Variants in WDSUB1 observed in about 807,000 individuals in gnomAD.
WDSUB1 encodes WD repeat, sterile alpha motif and U-box domain containing 1.
Under a neutral mutation model 53.9 loss-of-function variants are expected in WDSUB1, and 49 were observed. That is an observed-to-expected ratio of 0.91 (90% CI 0.72 to 1.15). WDSUB1 has a LOEUF of 1.15. WDSUB1 is among the 50% of genes most tolerant of loss of function. The pLI is 0.00. For synonymous variants in WDSUB1, 194 were observed against 200.6 expected (o/e 0.97, Z 0.28); for missense variants, 514 against 562.0 (o/e 0.91, Z 0.86).
At chr2:159,265,191 C>T (rs2151112243) in intron 5 of WDSUB1, among the ~76,000 whole-genome samples, 1 of 152,056 alleles carries the variant, frequency 6.6e-6, no homozygotes, top group Middle Eastern at 3.4e-3. Context: ...ACTTGAGAGG[C>T]TGAAGTGGGA....
At chr2:159,265,037 T>A (rs1476476496) in intron 5 of WDSUB1, among the ~76,000 whole-genome samples, 1 of 147,626 alleles carries the variant, frequency 6.8e-6, no homozygotes, top group African/African-American at 2.6e-5. Flanking sequence ...TGAGCTGAGA[T>A]CGCGCCATTG....
At chr2:159,278,559 A>G (rs1237542605) in intron 3 of WDSUB1, among the ~76,000 whole-genome samples, 8 of 152,254 alleles carry the variant, frequency 5.3e-5, no homozygotes, top group Non-Finnish European at 7.3e-5. Context: ...TCAAAATTAT[A>G]CAGATTTAAT....
At chr2:159,281,051 A>C (rs954790588) in intron 2 of WDSUB1, among the ~76,000 whole-genome samples, 1 of 152,224 alleles carries the variant, frequency 6.6e-6, no homozygotes, top group East Asian at 1.9e-4. Flanking sequence ...CACTTAAAAC[A>C]TGTCACCCTC....
In WDSUB1 at chr2:159,272,819, G is replaced by A. The variant is rs184209479; in HGVS notation, c.677-1024C>T. Among the ~76,000 whole-genome samples, 337 of 151,986 alleles carry A rather than the reference G, an allele frequency of 2.2e-3. 3 individuals carry two copies. Among genetic ancestry groups the A allele is most frequent in the African/African-American group, 7.6e-3 (315 of 41,412 alleles). ...TTATAAAATATAACACTCCTACAAA[G>A]TATAAAAAGGTATAAAATCCTTTTC... is the stretch of plus-strand genomic sequence containing the variant. On this transcript the variant is annotated intron_variant, in intron 4 of 10. Transcript: ENST00000359774.
At chr2:159,237,832 C>G (rs1368512552) in intron 10 of WDSUB1, among the ~76,000 whole-genome samples, 1 of 152,258 alleles carries the variant, frequency 6.6e-6, no homozygotes, top group Non-Finnish European at 1.5e-5. Flanking sequence ...CCCAAGAAAA[C>G]CATACACACA....
At chr2:159,274,489 T>G (rs2061501046) in intron 4 of WDSUB1, among the ~76,000 whole-genome samples, 1 of 152,172 alleles carries the variant, frequency 6.6e-6, no homozygotes, top group African/African-American at 2.4e-5. Context: ...AAAAATGAAC[T>G]GACTGACTGT....
rs530484489 is a variant in WDSUB1, at chr2:159,283,372, G to A, written c.-24-279C>T. Among the ~76,000 whole-genome samples the A allele has an allele frequency of 4.7e-4, 72 of 152,240 alleles. No individual in the cohort carries two copies. The South Asian group carries it at 0.014, about 30-fold the overall frequency. On this transcript the variant is annotated intron_variant, in intron 1 of 10. Coordinates refer to ENST00000359774, the MANE Select transcript of WDSUB1 (RefSeq NM_001128212.3). ...AGCAGCACACCCTCGATCCCTCGCA[G>A]GCGCAGTTCATAATAGGGTTTGTGG...
intron 10 of WDSUB1, among the ~76,000 whole-genome samples, chr2:159,240,165 T>G (rs559491800): frequency 2.6e-5 from 4 of 152,218 alleles, no homozygotes; most frequent in Non-Finnish European, 5.9e-5. Flanking sequence ...GCCTTTGGTA[T>G]AGGGCTTCTT....
Position 159,236,023 on chromosome 2 carries a change from A to T in WDSUB1, c.*10T>A. 1 of 1,587,842 alleles carries T rather than the reference A, an allele frequency of 6.3e-7. No homozygotes were observed. The highest frequency in any genetic ancestry group is 2.2e-5 in the East Asian group (1 of 44,664). Reference sequence around the variant, plus strand: ...TCACTGAAAATATAAATAATACAATATCAACAATTTTACTTTTGGTGTGTC... The same window carrying T: ...TCACTGAAAATATAAATAATACAATTTCAACAATTTTACTTTTGGTGTGTC... On this transcript the variant is annotated 3_prime_UTR_variant, in exon 11 of 11. Coordinates refer to ENST00000359774, the MANE Select transcript of WDSUB1 (RefSeq NM_001128212.3).
At chr2:159,240,234 C>T (rs1336331403) in intron 10 of WDSUB1, among the ~76,000 whole-genome samples, 2 of 152,182 alleles carry the variant, frequency 1.3e-5, no homozygotes, top group African/African-American at 2.4e-5. Flanking sequence ...TTTTATGGCT[C>T]GATATTCTCT....
chr2:159,258,436 A>T (rs1301684234), intron 6 of WDSUB1, among the ~76,000 whole-genome samples: 1 of 152,232 alleles, frequency 6.6e-6, no homozygotes, highest in Non-Finnish European at 1.5e-5. Flanking sequence ...AGGCAGGTGG[A>T]TCACTTGAGC....
chr2:159,275,434 C>A, intron 4 of WDSUB1, 112 bp downstream of exon 4: 1 of 824,778 alleles, frequency 1.2e-6, no homozygotes, highest in Admixed American at 2.9e-5. Context: ...TTTCTTAAAC[C>A]ATATTTTAAT....
chr2:159,246,263 T>C (rs947391195), intron 10 of WDSUB1, among the ~76,000 whole-genome samples: 3 of 152,068 alleles, frequency 2.0e-5, no homozygotes, highest in African/African-American at 7.2e-5. Flanking sequence ...AAACCCCGTC[T>C]CTATTAAAAA....
intron 5 of WDSUB1, among the ~76,000 whole-genome samples, chr2:159,260,666 A>G (rs77256890): frequency 0.044 from 6,752 of 152,322 alleles, 188 homozygotes; most frequent in Non-Finnish European, 0.067. Flanking sequence ...ATCTGGGGTT[A>G]TGCTAGCAAA....
rs114680609 is a variant in WDSUB1 at position 159,274,914 on chromosome 2, T to C, written c.676+632A>G. Among the ~76,000 whole-genome samples, 1,282 of 152,142 alleles carry C rather than the reference T, an allele frequency of 8.4e-3. 8 individuals are homozygous for C. Among genetic ancestry groups the C allele is most frequent in the Non-Finnish European group, 0.012 (818 of 68,000 alleles). ...CACTATGAAAAGAAAACAAAGAAGA[T>C]GGTGAGCTTTTAGAATCTGAAAATA... is the stretch of plus-strand genomic sequence containing the variant. On this transcript the variant is annotated intron_variant, in intron 4 of 10. Coordinates refer to ENST00000359774, the MANE Select transcript of WDSUB1 (RefSeq NM_001128212.3).
Position 159,275,610 on chromosome 2 carries a change from T to C in WDSUB1, c.612A>G (p.Arg204=). ...GGCAATCCTGACCACATGATGCCAG[T>C]CGAAAAAACTGAAGACCTTGTTCTC... ...SDGEQGLQFF[R]LASCGQDCQV... The change falls in exon 4 of 11, where the codon CGA becomes CGG. Residue 204 remains arginine (R), a synonymous_variant. Coordinates refer to ENST00000359774, the MANE Select transcript of WDSUB1 (RefSeq NM_001128212.3). The C allele has an allele frequency of 6.2e-7, 1 of 1,604,770 alleles. No individual in the cohort carries two copies. Among genetic ancestry groups the C allele is most frequent in the African/African-American group, 1.3e-5 (1 of 74,244 alleles).
At chr2:159,264,746 T>A (rs559684857) in intron 5 of WDSUB1, among the ~76,000 whole-genome samples, 2 of 152,236 alleles carry the variant, frequency 1.3e-5, no homozygotes, top group South Asian at 4.1e-4. Flanking sequence ...TCAAAAGTCA[T>A]GTTACCCAGT....
intron 4 of WDSUB1, 35 bp from the exon 5 acceptor site, chr2:159,271,830 G>T: frequency 6.5e-7 from 1 of 1,542,494 alleles, no homozygotes; most frequent in South Asian, 1.1e-5. Flanking sequence ...TTAGAAAGCT[G>T]ACCATGCTTA....
intron 9 of WDSUB1, among the ~76,000 whole-genome samples, chr2:159,250,195 G>A (rs1407417712): frequency 1.3e-5 from 2 of 151,660 alleles, no homozygotes; most frequent in Non-Finnish European, 2.9e-5. Context: ...AGGGCTCATT[G>A]CCCACATTCA....
Sources: gnomAD v4.1 joint callset for allele counts (sites outside exome capture counted in the v4.1 genomes callset) on GRCh38, gnomAD v4.1.1 for gene constraint, MANE v1.5 for transcripts, NCBI Gene and HGNC (gene_info 2026-07-23, HGNC 2026-07-21) for gene names.